The following LINGO1 variants were observed in gnomAD, a reference collection of about 807,000 sequenced individuals.
LINGO1 encodes the protein leucine-rich repeat and immunoglobulin-like domain-containing nogo receptor-interacting protein 1.
LINGO1 carries 11 observed loss-of-function variants against 37.3 expected under a neutral mutation model. The ratio of observed to expected loss-of-function variants is 0.29; its 90% CI spans 0.19 to 0.49. The LOEUF is 0.49. Ranked by LOEUF, LINGO1 falls within the 20% of genes least tolerant of loss-of-function variation. The pLI is 0.99. For missense variants in LINGO1, 585 were observed against 878.2 expected, an observed-to-expected ratio of 0.67 and a Z score of 4.22; for synonymous variants, 387 against 403.0, an observed-to-expected ratio of 0.96 and a Z score of 0.48.
chr15:77,743,227 T>C (rs113274655), intron 1 of LINGO1, among the ~76,000 whole-genome samples: 1 of 152,048 alleles, frequency 6.6e-6, no homozygotes, highest in East Asian at 1.9e-4. Flanking sequence ...CCTCCCTCCA[T>C]CCACCTATGC....
intron 3 of LINGO1, among the ~76,000 whole-genome samples, chr15:77,640,053 G>A (rs1203635625): frequency 6.6e-6 from 1 of 152,182 alleles, no homozygotes; most frequent in Non-Finnish European, 1.5e-5. Flanking sequence ...ACAGAATCCA[G>A]GGAGATATTC....
chr15:77,614,374 G>A lies in LINGO1; in HGVS notation c.1533C>T (p.His511=), dbSNP rs778395448. ...NAGGNDSMPA[H]LHVRSYSPDW... ...CGGGCGAGTAGCTGCGCACATGCAG[G>A]TGGGCGGGCATGGAGTCGTTGCCGC... Residue 511 remains histidine, a synonymous_variant, in exon 2 of 2, where the codon CAC becomes CAT. Coordinates refer to ENST00000355300, the MANE Select transcript of LINGO1 (RefSeq NM_032808.7). 9 of 1,613,662 alleles carry A rather than the reference G, an allele frequency of 5.6e-6. No individual in the cohort carries two copies. The highest frequency in any genetic ancestry group is 7.6e-6 in the Non-Finnish European group (9 of 1,179,884).
intron 1 of LINGO1, among the ~76,000 whole-genome samples, chr15:77,764,208 T>C (rs879566347): frequency 6.6e-6 from 1 of 152,216 alleles, no homozygotes; most frequent in South Asian, 2.1e-4. Context: ...ATGCCTGTCA[T>C]CTCTCTGCCC....
chr15:77,736,711 C>T (rs998863893), intron 1 of LINGO1, among the ~76,000 whole-genome samples: 1 of 152,046 alleles, frequency 6.6e-6, no homozygotes, highest in Admixed American at 6.5e-5. Context: ...GAGGTGGAGG[C>T]TACAGCGAGC....
chr15:77,771,612 C>T (rs2076586381), intron 1 of LINGO1, among the ~76,000 whole-genome samples: 1 of 152,328 alleles, frequency 6.6e-6, no homozygotes, highest in East Asian at 1.9e-4. Context: ...AAGACCCCCA[C>T]CAAGTTCCGT....
At chr15:77,672,024 TCC>T (rs2075258912) in intron 3 of LINGO1, among the ~76,000 whole-genome samples, 1 of 151,482 alleles carries the variant, frequency 6.6e-6, no homozygotes, top group Non-Finnish European at 1.5e-5. Flanking sequence ...CTCCTCCTCC[TCC>T]TCCTCCTCCT....
intron 2 of LINGO1, chr15:77,720,662 T>C (rs935297510): frequency 6.6e-6 from 1 of 152,140 alleles, no homozygotes; most frequent in Non-Finnish European, 1.5e-5. Context: ...TCACAATCAG[T>C]CATAATTAAG....
chr15:77,766,376 CAA>C (rs71145860), intron 1 of LINGO1, among the ~76,000 whole-genome samples: 2 of 102,732 alleles, frequency 1.9e-5, no homozygotes, highest in Non-Finnish European at 4.1e-5. Flanking sequence ...AGAAGGAACT[CAA>C]AAAAAAAAAA....
rs372459402 is a variant in LINGO1 at position 77,717,759 on chromosome 15, G to A, written c.-195+17233C>T. ...CACAGGAGGGAGCCTCAGCAGACAG[G>A]GTGCAGCGGAGGCCCTGCTCAGCAC... On this transcript the variant is annotated intron_variant, in intron 2 of 3. Coordinates refer to the LINGO1 transcript ENST00000561686. Among the ~76,000 whole-genome samples, 490 of 150,758 alleles carry A rather than the reference G, an allele frequency of 3.3e-3. 28 individuals are homozygous for A. The highest frequency in any genetic ancestry group is 5.0e-3 in the Non-Finnish European group (340 of 67,512).
intron 2 of LINGO1, among the ~76,000 whole-genome samples, chr15:77,721,519 G>A (rs35303947): frequency 0.089 from 13,586 of 152,200 alleles, 651 homozygotes; most frequent in Middle Eastern, 0.13. Context: ...GCAGCTTCAC[G>A]ACATTGTTGG....
At chr15:77,732,961 C>A (rs1045099207) in intron 2 of LINGO1, among the ~76,000 whole-genome samples, 2 of 152,234 alleles carry the variant, frequency 1.3e-5, no homozygotes, top group African/African-American at 4.8e-5. Flanking sequence ...CGGCCACGGC[C>A]GGCCTCCTGG....
At chr15:77,718,688 T>C (rs1336969110) in intron 2 of LINGO1, among the ~76,000 whole-genome samples, 2 of 150,808 alleles carry the variant, frequency 1.3e-5, no homozygotes, top group Admixed American at 6.6e-5. Context: ...TCTGGCAGTA[T>C]AGACCCCTTA....
chr15:77,636,483 C>A (rs1429330758), upstream of LINGO1, among the ~76,000 whole-genome samples: 1 of 152,126 alleles, frequency 6.6e-6, no homozygotes, highest in Non-Finnish European at 1.5e-5. Context: ...GGGGGTTGGG[C>A]AGCTGGCATT....
At chr15:77,718,067 T>C (rs1450140929) in intron 2 of LINGO1, among the ~76,000 whole-genome samples, 1 of 150,662 alleles carries the variant, frequency 6.6e-6, no homozygotes, top group Non-Finnish European at 1.5e-5. Flanking sequence ...CATGAGCAGC[T>C]ACAGAGACAG....
chr15:77,777,580 G>A (rs2076674353), intron 1 of LINGO1, among the ~76,000 whole-genome samples: 1 of 152,252 alleles, frequency 6.6e-6, no homozygotes, highest in East Asian at 1.9e-4. Context: ...TACTGTTGCT[G>A]TAACAAATCG....
intron 3 of LINGO1, among the ~76,000 whole-genome samples, chr15:77,663,454 C>T (rs910427340): frequency 2.6e-5 from 4 of 152,208 alleles, no homozygotes; most frequent in Non-Finnish European, 4.4e-5. Flanking sequence ...GGTAGAACTC[C>T]ACCCTGGACT....
intron 3 of LINGO1, chr15:77,651,423 T>A (rs541879185): frequency 6.6e-6 from 1 of 152,312 alleles, no homozygotes; most frequent in South Asian, 2.1e-4. Flanking sequence ...CTGGAGAATC[T>A]TAACACCAGG....
chr15:77,676,743 T>A (rs1405052656), intron 3 of LINGO1, among the ~76,000 whole-genome samples: 1 of 152,184 alleles, frequency 6.6e-6, no homozygotes, highest in African/African-American at 2.4e-5. Context: ...GGCAGGTGTG[T>A]GGCGCAAAAC....
At chr15:77,800,925 A>G (rs955818668) in intron 1 of LINGO1, among the ~76,000 whole-genome samples, 5 of 152,240 alleles carry the variant, frequency 3.3e-5, no homozygotes, top group Non-Finnish European at 7.3e-5. Context: ...AAGATGTTCT[A>G]TCTCACTAGC....
Sources: gnomAD v4.1 joint callset for allele counts (sites outside exome capture counted in the v4.1 genomes callset) on GRCh38, gnomAD v4.1.1 for gene constraint, MANE v1.5 for transcripts, NCBI Gene and HGNC (gene_info 2026-07-23, HGNC 2026-07-21) for gene names.